The following PCDH15 variants were observed in gnomAD, a reference collection of about 807,000 sequenced individuals.
PCDH15 encodes the protein protocadherin-15.
Under a neutral mutation model 178.5 loss-of-function variants are expected in PCDH15, and 129 were observed. The ratio of observed to expected loss-of-function variants is 0.72; its 90% CI spans 0.63 to 0.84. The LOEUF (loss-of-function observed/expected upper bound fraction) is 0.84. Ranked by LOEUF, PCDH15 falls within the 40% of genes least tolerant of loss-of-function variation. The probability of loss-of-function intolerance (pLI) is 0.00; values close to 1 mark genes in which losing one functional copy is unlikely to be tolerated. For synonymous variants in PCDH15, 800 were observed against 732.0 expected (o/e 1.09, Z -1.50); for missense variants, 2,230 against 2,099.9 (o/e 1.06, Z -1.21).
chr10:55,500,211 T>A (rs879347998), intron 2 of PCDH15, among the ~76,000 whole-genome samples: 12 of 151,754 alleles, frequency 7.9e-5, no homozygotes, highest in Non-Finnish European at 7.4e-5. Flanking sequence ...TGTATTAGGA[T>A]GTATGATATT....
In PCDH15 at chr10:54,271,981, C is replaced by T. The variant is rs569914652; in HGVS notation, c.877-35050G>A. ...AAAACTTACTACTGTACCTCCTACC[C>T]AGTAACATATATATGATATATATAT... On this transcript the variant is annotated intron_variant, in intron 8 of 37. Transcript: ENST00000644397. Among the ~76,000 whole-genome samples the T allele has an allele frequency of 4.9e-5, 7 of 142,044 alleles. No homozygotes were observed. In the South Asian group the frequency reaches 1.6e-3, roughly 33 times the overall value. The allele number at this position is 142,044 out of a possible 152,430, so 93.2% of individuals were successfully genotyped here.
chr10:54,000,239 A>T lies in PCDH15; in HGVS notation c.2752-4474T>A, dbSNP rs190366850. Among the ~76,000 whole-genome samples the T allele has an allele frequency of 9.2e-5, 14 of 152,246 alleles. No individual in the cohort carries two copies. The East Asian group carries it at 1.9e-3, about 21-fold the overall frequency. On this transcript the variant is annotated intron_variant, in intron 20 of 37. Transcript: ENST00000644397. ...TACGAAGAAGTCCAGACTGTGAAGA[A>T]TACAATAAATACCCAACGCTTAAAT...
intron 2 of PCDH15, among the ~76,000 whole-genome samples, chr10:55,081,451 T>C (rs1309535221): frequency 6.6e-6 from 1 of 152,102 alleles, no homozygotes; most frequent in East Asian, 1.9e-4. Context: ...GGAGGTAGGA[T>C]TTCAAGATAT....
intron 26 of PCDH15, among the ~76,000 whole-genome samples, chr10:53,871,980 T>A (rs896903296): frequency 1.3e-5 from 2 of 152,278 alleles, no homozygotes; most frequent in African/African-American, 4.8e-5. Flanking sequence ...ACCCCGTCTC[T>A]ACTAAAAATA....
At position 53,822,001 on chromosome 10, in the gene PCDH15, G is replaced by A. The variant is rs373813469; in HGVS notation, c.4368-1771C>T. ...GTTTGAAGTTCTGAAACATTTGTGC[G>A]TAGATAGTTTTTTTCTATTTGACTG... On this transcript the variant is annotated intron_variant, in intron 32 of 37. Transcript: ENST00000644397. 55 of 1,613,814 alleles carry A rather than the reference G, an allele frequency of 3.4e-5. No homozygotes were observed. The highest frequency in any genetic ancestry group is 1.1e-4 in the East Asian group (5 of 44,894).
At chr10:54,411,478 C>T (rs2384455) in intron 3 of PCDH15, among the ~76,000 whole-genome samples, 71,692 of 151,936 alleles carry the variant, frequency 0.47, 17,647 homozygotes, top group Non-Finnish European at 0.53. Context: ...ACAATTCTAT[C>T]AGTCACTAGC....
rs560916336 is a variant in PCDH15 at position 54,244,096 on chromosome 10, A to C, written c.877-7165T>G. On this transcript the variant is annotated intron_variant, in intron 8 of 37. Transcript: ENST00000644397. ...ACTGGAATTTCGTATCACATATTAA[A>C]ACAAAAACTCACTTAGCTAACAGAA... Among the ~76,000 whole-genome samples the C allele has an allele frequency of 4.6e-5, 7 of 152,298 alleles. No homozygotes were observed. The East Asian group carries it at 1.2e-3, about 25-fold the overall frequency.
At chr10:54,253,724 T>C (rs564593961) in intron 8 of PCDH15, among the ~76,000 whole-genome samples, 8 of 152,198 alleles carry the variant, frequency 5.3e-5, no homozygotes, top group Non-Finnish European at 8.8e-5. Context: ...TATATTTATA[T>C]TAAAATATGC....
At chr10:55,371,734 C>T (rs1019846420) in intron 2 of PCDH15, among the ~76,000 whole-genome samples, 3 of 152,022 alleles carry the variant, frequency 2.0e-5, no homozygotes, top group African/African-American at 7.2e-5. Context: ...AGCTGTGAGT[C>T]AATTAAACCT....
At chr10:53,859,540 T>C (rs2078968596) in intron 27 of PCDH15, among the ~76,000 whole-genome samples, 1 of 152,138 alleles carries the variant, frequency 6.6e-6, no homozygotes, top group East Asian at 1.9e-4. Context: ...TACAGATCCG[T>C]ACTATTAGTA....
At chr10:53,862,817 T>C (rs1316014819) in intron 27 of PCDH15, among the ~76,000 whole-genome samples, 1 of 152,244 alleles carries the variant, frequency 6.6e-6, no homozygotes, top group Admixed American at 6.5e-5. Flanking sequence ...GCAGATGTAC[T>C]CTATGCATAC....
At chr10:55,071,910 G>A (rs930607414) in intron 2 of PCDH15, among the ~76,000 whole-genome samples, 1 of 152,134 alleles carries the variant, frequency 6.6e-6, no homozygotes, top group Non-Finnish European at 1.5e-5. Context: ...TCAGACCACA[G>A]TGCAATCAAA....
chr10:55,302,590 A>G (rs185027014), intron 1 of PCDH15, among the ~76,000 whole-genome samples: 13 of 152,258 alleles, frequency 8.5e-5, no homozygotes, highest in African/African-American at 2.4e-4. Context: ...TAAGGCTTCA[A>G]GTGGTTGGAT....
intron 2 of PCDH15, among the ~76,000 whole-genome samples, chr10:54,586,023 C>T (rs2091438727): frequency 6.6e-6 from 1 of 151,916 alleles, no homozygotes; most frequent in South Asian, 2.1e-4. Context: ...TAAATCAAGT[C>T]AAAAATAAAA....
rs573770889 is a variant in PCDH15, at chr10:54,786,364, T to G, written c.-29+14561A>C. On this transcript the variant is annotated intron_variant, in intron 1 of 37. Coordinates refer to ENST00000644397, the MANE Select transcript of PCDH15 (RefSeq NM_001384140.1). ...TTCCACCAGTTAAAGTTTGAGCTCCTAGGAGAAGATCTTTCATATACAAGA... is the reference window on the plus strand; with the variant it reads ...TTCCACCAGTTAAAGTTTGAGCTCCGAGGAGAAGATCTTTCATATACAAGA... Among the ~76,000 whole-genome samples the G allele has an allele frequency of 8.9e-4, 136 of 152,138 alleles. 1 individual carries two copies. The highest frequency in any genetic ancestry group is 2.9e-3 in the African/African-American group (120 of 41,552).
intron 3 of PCDH15, among the ~76,000 whole-genome samples, chr10:54,494,045 A>G (rs938117029): frequency 7.3e-6 from 1 of 137,356 alleles, no homozygotes; most frequent in East Asian, 2.4e-4. Context: ...ATGAGAACAC[A>G]TGGACACAGG....
upstream of PCDH15, among the ~76,000 whole-genome samples, chr10:55,321,419 A>T (rs925043228): frequency 6.6e-6 from 1 of 152,188 alleles, no homozygotes; most frequent in African/African-American, 2.4e-5. Flanking sequence ...CTTGAAAAAC[A>T]ACTGAGAATA....
At chr10:55,396,116 T>C (rs1837923407) in intron 2 of PCDH15, among the ~76,000 whole-genome samples, 1 of 152,206 alleles carries the variant, frequency 6.6e-6, no homozygotes, top group Non-Finnish European at 1.5e-5. Context: ...CTTTGGTACT[T>C]AGCATAATTG....
chr10:55,540,193 G>T (rs959304947), intron 2 of PCDH15, among the ~76,000 whole-genome samples: 1 of 151,914 alleles, frequency 6.6e-6, no homozygotes, highest in African/African-American at 2.4e-5. Context: ...TGTGAGATTC[G>T]CTTTTTAAAA....
Sources: gnomAD v4.1 joint callset for allele counts (sites outside exome capture counted in the v4.1 genomes callset) on GRCh38, gnomAD v4.1.1 for gene constraint, MANE v1.5 for transcripts, NCBI Gene and HGNC (gene_info 2026-07-23, HGNC 2026-07-21) for gene names.